LYPD5: variants seen among roughly 807,000 people sequenced by gnomAD.
The protein encoded by LYPD5 is LY6/PLAUR domain containing 5.
In LYPD5, 21 loss-of-function variants were observed where a neutral mutation model predicts 19.1. The ratio of observed to expected loss-of-function variants is 1.10; its 90% CI spans 0.78 to 1.58. The LOEUF is 1.58. LYPD5 is among the 40% of genes most tolerant of loss of function. The probability of loss-of-function intolerance (pLI) is 0.00; values close to 1 mark genes in which losing one functional copy is unlikely to be tolerated. For synonymous variants in LYPD5, 128 were observed against 142.7 expected (o/e 0.90, Z 0.74); for missense variants, 287 against 329.8 (o/e 0.87, Z 1.00).
chr19:43,815,750 A>C, intron 1 of LYPD5: 2 of 419,736 alleles, frequency 4.8e-6, no homozygotes, highest in Non-Finnish European at 9.4e-6. Context: ...ATTTTATTTT[A>C]TTTTTGAGAC....
At chr19:43,805,308 A>C (rs537691231), upstream of LYPD5, among the ~76,000 whole-genome samples, 12 of 152,336 alleles carry the variant, frequency 7.9e-5, no homozygotes, top group South Asian at 2.5e-3. Flanking sequence ...TGATTCCATT[A>C]ATCAAACAAG....
intron 1 of LYPD5, among the ~76,000 whole-genome samples, chr19:43,817,999 C>T (rs1033620360): frequency 4.6e-5 from 7 of 152,190 alleles, no homozygotes; most frequent in Non-Finnish European, 1.0e-4. Flanking sequence ...CAGGCATGAA[C>T]TACTGCGCCC....
chr19:43,807,154 T>C (rs1457904229), upstream of LYPD5, among the ~76,000 whole-genome samples: 5 of 152,236 alleles, frequency 3.3e-5, no homozygotes, highest in Non-Finnish European at 7.3e-5. Flanking sequence ...GTTATGAATA[T>C]GGCTGTACAA....
At chr19:43,798,733 C>T in intron 3 of LYPD5, 79 bp downstream of exon 3, 1 of 1,566,542 alleles carries the variant, frequency 6.4e-7, no homozygotes, top group Middle Eastern at 2.0e-4. Flanking sequence ...AGCAGGCGCC[C>T]AGCGGAGGCC....
chr19:43,798,027 C>T (rs1448957315), intron 4 of LYPD5, among the ~76,000 whole-genome samples, 198 bp from the exon 5 acceptor site: 1 of 151,572 alleles, frequency 6.6e-6, no homozygotes, highest in African/African-American at 2.4e-5. Flanking sequence ...TCCCTCAGAC[C>T]AGGGCCATGC....
intron 1 of LYPD5, among the ~76,000 whole-genome samples, chr19:43,816,077 T>TCTATCTATCTATCTAC (rs1555729556): frequency 7.1e-6 from 1 of 141,344 alleles, no homozygotes; most frequent in Non-Finnish European, 1.6e-5. Flanking sequence ...TATCTATCTA[T>TCTATCTATCTATCTAC]CTACCTATCA....
rs1189287068 is a variant in LYPD5, at chr19:43,797,639, G to A, written c.708C>T (p.Val236=). ...GGAGGACTGGGAGGAGCAGGGCCAG[G>A]ACCTGTAGTGCTCGGGGAGGGGTGG... ...SATTPPRALQ[V]LALLLPVLLL... Residue 236 remains valine (V), a synonymous_variant, in exon 5 of 5, where the codon GTC becomes GTT. Transcript: ENST00000377950. The A allele has an allele frequency of 6.2e-6, 10 of 1,613,472 alleles. No homozygotes were observed. The highest frequency in any genetic ancestry group is 8.5e-6 in the Non-Finnish European group (10 of 1,179,752).
At chr19:43,810,844 G>T (rs7252847) in intron 1 of LYPD5, among the ~76,000 whole-genome samples, 28 of 151,682 alleles carry the variant, frequency 1.8e-4, no homozygotes, top group African/African-American at 6.3e-4. Flanking sequence ...TGGCCAGGCT[G>T]GTCTTGAACT....
intron 1 of LYPD5, among the ~76,000 whole-genome samples, chr19:43,811,642 C>G (rs1490717072): frequency 6.6e-6 from 1 of 150,498 alleles, no homozygotes; most frequent in African/African-American, 2.5e-5. Context: ...GCAGAGATCA[C>G]GCCACTGCCC....
At chr19:43,819,283 C>CTTTTTTTTTTT (rs560659624) in intron 1 of LYPD5, among the ~76,000 whole-genome samples, 12 of 110,514 alleles carry the variant, frequency 1.1e-4, no homozygotes, top group South Asian at 3.1e-4. Context: ...TCTTCTTCTT[C>CTTTTTTTTTTT]TTTTTTTTTT....
chr19:43,805,635 G>A (rs10415798), upstream of LYPD5, among the ~76,000 whole-genome samples: 14,452 of 152,232 alleles, frequency 0.095, 846 homozygotes, highest in Non-Finnish European at 0.13. Flanking sequence ...AGCCTCCCAA[G>A]TAGCTGGGAT....
At chr19:43,818,601 G>A (rs891634656) in intron 1 of LYPD5, among the ~76,000 whole-genome samples, 3 of 152,162 alleles carry the variant, frequency 2.0e-5, no homozygotes. Context: ...GAAAGCCCTG[G>A]GGCTTGAGAC....
At chr19:43,817,785 C>T (rs1970385526) in intron 1 of LYPD5, among the ~76,000 whole-genome samples, 1 of 151,638 alleles carries the variant, frequency 6.6e-6, no homozygotes, top group Admixed American at 6.6e-5. Context: ...GGCGCCATCT[C>T]AGCTCACTGC....
intron 1 of LYPD5, among the ~76,000 whole-genome samples, chr19:43,819,023 T>G (rs1430409768): frequency 6.6e-6 from 1 of 152,178 alleles, no homozygotes; most frequent in East Asian, 1.9e-4. Flanking sequence ...GTCTTTTTCT[T>G]TCTTAATATT....
At chr19:43,802,685 G>A (rs1275079660), upstream of LYPD5, among the ~76,000 whole-genome samples, 3 of 152,076 alleles carry the variant, frequency 2.0e-5, no homozygotes, top group African/African-American at 4.8e-5. Flanking sequence ...GCTCTAATCT[G>A]AGGGTGGCAC....
chr19:43,819,505 G>T (rs1357005555), intron 1 of LYPD5, among the ~76,000 whole-genome samples: 1 of 151,912 alleles, frequency 6.6e-6, no homozygotes, highest in African/African-American at 2.4e-5. Flanking sequence ...GGTGAACCGG[G>T]TCTTTTCTGT....
In LYPD5 at chr19:43,797,248, T is replaced by C. The variant is rs349049; in HGVS notation, c.*343A>G. On this transcript the variant is annotated 3_prime_UTR_variant, in exon 5 of 5. Coordinates refer to ENST00000377950, the MANE Select transcript of LYPD5 (RefSeq NM_001031749.3). ...ATAAAGACATCATTGTATAGCTCCC[T>C]CCTAGAGCTGCGACAGGCTCTGGAG... 0.44 allele frequency: 124,200 copies of C among 279,396 alleles called. 29,103 individuals are homozygous for C. Among genetic ancestry groups the C allele is most frequent in the South Asian group, 0.6 (8,566 of 14,236 alleles). The allele number at this position is 279,396 out of a possible 1,614,324, so 17.3% of individuals were successfully genotyped here.
upstream of LYPD5, among the ~76,000 whole-genome samples, chr19:43,806,389 G>A (rs547520261): frequency 4.6e-5 from 7 of 152,090 alleles, no homozygotes; most frequent in Non-Finnish European, 7.4e-5. Context: ...TGGGCCAAGC[G>A]TGGTGGCTCA....
intron 4 of LYPD5, 41 bp from the exon 5 acceptor site, chr19:43,797,870 G>A (rs1313132088): frequency 1.4e-6 from 2 of 1,457,830 alleles, no homozygotes; most frequent in Admixed American, 3.4e-5. Context: ...CAGAACTGAG[G>A]GAGACAGCTG....
Sources: gnomAD v4.1 joint callset for allele counts (sites outside exome capture counted in the v4.1 genomes callset) on GRCh38, gnomAD v4.1.1 for gene constraint, MANE v1.5 for transcripts, NCBI Gene and HGNC (gene_info 2026-07-23, HGNC 2026-07-21) for gene names.